The following RB1 variants were observed in gnomAD, a reference collection of about 807,000 sequenced individuals.
RB1 encodes retinoblastoma-associated protein.
In RB1, 18 loss-of-function variants were observed where a neutral mutation model predicts 135.4. The observed-to-expected ratio is 0.13, with a 90% confidence interval of 0.09 to 0.20. RB1 has a LOEUF of 0.20. Among genes scored for constraint, RB1 ranks in the 10% least tolerant of loss-of-function variants. The pLI is 1.00. For missense variants in RB1, 868 were observed against 1,110.0 expected, an observed-to-expected ratio of 0.78 and a Z score of 3.10; for synonymous variants, 365 against 373.2, an observed-to-expected ratio of 0.98 and a Z score of 0.25.
At chr13:48,459,927 TTC>T (rs1230583338) in intron 20 of RB1, 94 bp downstream of exon 20, 2 of 494,948 alleles carry the variant, frequency 4.0e-6, no homozygotes, top group Non-Finnish European at 6.8e-6. Flanking sequence ...CTTTCTTTCT[TTC>T]TTTCTTTCTT....
chr13:48,365,892 G>A (rs1278141014), intron 9 of RB1, among the ~76,000 whole-genome samples: 2 of 152,106 alleles, frequency 1.3e-5, no homozygotes, highest in African/African-American at 4.8e-5. Context: ...GTATTCACAG[G>A]GTTCTGTGAT....
chr13:48,463,586 C>A, intron 20 of RB1, 145 bp from the exon 21 acceptor site: 1 of 632,332 alleles, frequency 1.6e-6, no homozygotes. Flanking sequence ...TTCATGTAGA[C>A]TTTCAAACTG....
chr13:48,463,616 T>G, intron 20 of RB1, 115 bp from the exon 21 acceptor site: 3 of 717,338 alleles, frequency 4.2e-6, no homozygotes, highest in South Asian at 3.2e-5. Flanking sequence ...TGGAAAGAAA[T>G]AACTCTGTAG....
chr13:48,417,514 C>G (rs1347624286), intron 17 of RB1, among the ~76,000 whole-genome samples: 2 of 152,118 alleles, frequency 1.3e-5, no homozygotes, highest in African/African-American at 4.8e-5. Context: ...ACCAGAATGC[C>G]TTTTCTCTTC....
At chr13:48,317,462 G>A (rs1395743021) in intron 2 of RB1, 3 of 431,462 alleles carry the variant, frequency 7.0e-6, no homozygotes, top group East Asian at 1.0e-4. Flanking sequence ...TCAGCTTCCT[G>A]GCTAGGGGTC....
chr13:48,312,135 GTCCACATATCGATTCCACTTT>G (rs1354579097), intron 2 of RB1, among the ~76,000 whole-genome samples: 2 of 152,128 alleles, frequency 1.3e-5, no homozygotes, highest in African/African-American at 4.8e-5. Context: ...GTTCTGCAGT[GTCCACATATCGATTCCACTTT>G]TCTTGTGATC....
At position 48,304,061 on chromosome 13, in the gene RB1, G is replaced by A. The variant is rs574145040; in HGVS notation, c.137+12G>A. ...CTGCCTCTCGTCAGGTGAGCGAGCA[G>A]AGCCGCCGTCGCCTCACGCGGGAAG... On this transcript the variant is annotated intron_variant, in intron 1 of 26. Coordinates refer to ENST00000267163, the MANE Select transcript of RB1 (RefSeq NM_000321.3). 2.7e-5 allele frequency: 38 copies of A among 1,416,722 alleles called. No individual in the cohort carries two copies. Among genetic ancestry groups the A allele is most frequent in the Admixed American group, 3.3e-5 (1 of 30,336 alleles). The allele number at this position is 1,416,722 out of a possible 1,614,324, so 87.8% of individuals were successfully genotyped here. A position where few individuals can be genotyped will look rare whatever the true frequency, so the allele number is the denominator to read the frequency against.
chr13:48,398,516 AT>A (rs574740963), intron 17 of RB1, among the ~76,000 whole-genome samples: 1,668 of 151,292 alleles, frequency 0.011, 24 homozygotes, highest in African/African-American at 0.038. Flanking sequence ...GAGTCCTGTA[AT>A]TTTTTTTTAA....
chr13:48,455,536 A>G (rs969693156), intron 18 of RB1, among the ~76,000 whole-genome samples: 2 of 152,206 alleles, frequency 1.3e-5, no homozygotes, highest in Non-Finnish European at 2.9e-5. Flanking sequence ...TACAAATTCT[A>G]CTTCCTGTTC....
chr13:48,435,649 A>G (rs1949175769), intron 17 of RB1, among the ~76,000 whole-genome samples: 2 of 152,066 alleles, frequency 1.3e-5, no homozygotes, highest in Admixed American at 1.3e-4. Context: ...GATCCTGAAG[A>G]TTTTCCCTTA....
At chr13:48,318,931 G>C (rs1952210371) in intron 2 of RB1, 3 of 1,104,084 alleles carry the variant, frequency 2.7e-6, no homozygotes, top group Non-Finnish European at 4.1e-6. Flanking sequence ...CGTCAGAGCG[G>C]GAAGGCACGT....
intron 17 of RB1, chr13:48,411,144 T>G: frequency 2.6e-6 from 1 of 380,164 alleles, no homozygotes; most frequent in Non-Finnish European, 4.8e-6. Flanking sequence ...TAAATAACTT[T>G]AAGAGATTTT....
intron 7 of RB1, among the ~76,000 whole-genome samples, chr13:48,361,118 T>C (rs910774150): frequency 2.0e-5 from 3 of 152,130 alleles, no homozygotes; most frequent in Non-Finnish European, 4.4e-5. Context: ...CAAATATACT[T>C]CAAATTTTCT....
At chr13:48,324,603 T>C (rs1397195640) in intron 2 of RB1, among the ~76,000 whole-genome samples, 2 of 152,180 alleles carry the variant, frequency 1.3e-5, no homozygotes, top group Non-Finnish European at 2.9e-5. Flanking sequence ...TCTTTATCCA[T>C]GCATCCATTA....
At chr13:48,362,361 A>G (rs1391432161) in intron 7 of RB1, among the ~76,000 whole-genome samples, 2 of 151,894 alleles carry the variant, frequency 1.3e-5, no homozygotes, top group East Asian at 1.9e-4. Flanking sequence ...TATATTTACT[A>G]TAATATATTT....
At chr13:48,410,782 C>T (rs1948787620) in intron 17 of RB1, among the ~76,000 whole-genome samples, 1 of 152,004 alleles carries the variant, frequency 6.6e-6, no homozygotes, top group South Asian at 2.1e-4. Flanking sequence ...CTACAAATTG[C>T]CTACACAGAC....
intron 8 of RB1, among the ~76,000 whole-genome samples, chr13:48,363,573 A>G (rs989224894): frequency 6.6e-6 from 1 of 152,140 alleles, no homozygotes; most frequent in Non-Finnish European, 1.5e-5. Flanking sequence ...CGAACAAACA[A>G]ACCAAAAAAG....
chr13:48,324,897 A>T (rs1952273909), intron 2 of RB1, among the ~76,000 whole-genome samples: 1 of 150,294 alleles, frequency 6.7e-6, no homozygotes, highest in African/African-American at 2.5e-5. Flanking sequence ...GTTTTAACAT[A>T]ATTATTTGGA....
chr13:48,449,982 G>A (rs1296135566), intron 17 of RB1, among the ~76,000 whole-genome samples: 1 of 150,934 alleles, frequency 6.6e-6, no homozygotes, highest in Non-Finnish European at 1.5e-5. Context: ...TTTTTTTCTT[G>A]TAAATTTAAG....
Sources: gnomAD v4.1 joint callset for allele counts (sites outside exome capture counted in the v4.1 genomes callset) on GRCh38, gnomAD v4.1.1 for gene constraint, MANE v1.5 for transcripts, NCBI Gene and HGNC (gene_info 2026-07-23, HGNC 2026-07-21) for gene names.